Variants in MYO1F observed in about 807,000 individuals in gnomAD.
MYO1F encodes the protein unconventional myosin-If.
In MYO1F, 60 loss-of-function variants were observed where a neutral mutation model predicts 146.6. The observed-to-expected ratio is 0.41, with a 90% CI of 0.33 to 0.51. The LOEUF (loss-of-function observed/expected upper bound fraction) is 0.51. Ranked by LOEUF, MYO1F falls within the 20% of genes least tolerant of loss-of-function variation. MYO1F has a pLI of 0.25. For missense variants in MYO1F, 1,274 were observed against 1,534.3 expected (o/e 0.83, Z 2.83); for synonymous variants, 602 against 602.1 (o/e 1.00, Z 0.00).
At chr19:8,542,488 G>A (rs1423061847) in intron 14 of MYO1F, among the ~76,000 whole-genome samples, 2 of 151,760 alleles carry the variant, frequency 1.3e-5, no homozygotes, top group African/African-American at 4.8e-5. Flanking sequence ...TTCAGCCAGG[G>A]TTGGGGGCTG....
chr19:8,567,720 C>T (rs944911578), intron 1 of MYO1F, among the ~76,000 whole-genome samples: 1 of 152,218 alleles, frequency 6.6e-6, no homozygotes, highest in African/African-American at 2.4e-5. Flanking sequence ...TTCAAGGACA[C>T]ACAGCAGTGC....
intron 12 of MYO1F, among the ~76,000 whole-genome samples, chr19:8,546,150 C>T (rs986608668): frequency 2.7e-5 from 4 of 150,204 alleles, no homozygotes; most frequent in African/African-American, 9.8e-5. Flanking sequence ...TCGCAACCTC[C>T]GCCTCCCGAG....
rs1465554927 is a variant in MYO1F at position 8,555,812 on chromosome 19, G to A, written c.4-16C>T. Reference sequence around the variant, plus strand: ...CCTTGCTGCCCTGGGGGGTGAGAGGGGGGTCGGGGTGAGCCCTTGCACGGG... The same window carrying A: ...CCTTGCTGCCCTGGGGGGTGAGAGGAGGGTCGGGGTGAGCCCTTGCACGGG... On this transcript the variant is annotated splice_polypyrimidine_tract_variant and intron_variant, in intron 1 of 27. Transcript: ENST00000644032. The A allele has an allele frequency of 1.2e-6, 2 of 1,607,968 alleles. No individual in the cohort carries two copies. Among genetic ancestry groups the A allele is most frequent in the Admixed American group, 3.3e-5 (2 of 59,932 alleles).
Position 8,550,377 on chromosome 19 carries a change from G to A in MYO1F, c.905-21C>T, listed in dbSNP as rs761224553. The A allele has an allele frequency of 2.5e-6, 4 of 1,602,878 alleles. No homozygotes were observed. In the Admixed American group the frequency reaches 6.9e-5, roughly 28 times the overall value. On this transcript the variant is annotated intron_variant, in intron 9 of 27. Coordinates refer to ENST00000644032, the MANE Select transcript of MYO1F (RefSeq NM_012335.4). Reference sequence around the variant, plus strand: ...CAGGACTACCAGGGCAAAGGTCAGGGCAAAAATGGGACAGTTGGTTGGGCT... The same window carrying A: ...CAGGACTACCAGGGCAAAGGTCAGGACAAAAATGGGACAGTTGGTTGGGCT...
At chr19:8,547,983 T>TGCC in intron 12 of MYO1F, 53 bp downstream of exon 12, 27 of 1,371,030 alleles carry the variant, frequency 2.0e-5, no homozygotes, top group Non-Finnish European at 2.4e-5. Flanking sequence ...TCATGGTCCT[T>TGCC]CCACCCCACC....
At chr19:8,573,248 T>A (rs1186368052) in intron 1 of MYO1F, among the ~76,000 whole-genome samples, 1 of 152,014 alleles carries the variant, frequency 6.6e-6, no homozygotes, top group Non-Finnish European at 1.5e-5. Flanking sequence ...GAGGTGGGGC[T>A]TGCAGTGAGC....
intron 1 of MYO1F, among the ~76,000 whole-genome samples, chr19:8,570,940 T>G (rs2042096354): frequency 6.6e-6 from 1 of 152,122 alleles, no homozygotes; most frequent in African/African-American, 2.4e-5. Flanking sequence ...GGGGTGCAAA[T>G]CTCACAGGCT....
chr19:8,545,625 C>T, intron 13 of MYO1F, 25 bp downstream of exon 13: 2 of 1,599,728 alleles, frequency 1.3e-6, no homozygotes, highest in Non-Finnish European at 1.7e-6. Context: ...TGAGACGCCC[C>T]CGCCAAAGTT....
At chr19:8,553,041 C>T in intron 6 of MYO1F, 98 bp downstream of exon 6, 3 of 1,190,732 alleles carry the variant, frequency 2.5e-6, no homozygotes, top group Non-Finnish European at 3.8e-6. Flanking sequence ...TCAATGGACT[C>T]TTGTCTTGGC....
chr19:8,551,729 C>G lies in MYO1F; in HGVS notation c.771+11G>C, dbSNP rs1410702232. ...GCCTGGCCGGGGACTGGAGTAGAGG[C>G]CGGTGCTCACCAGAGTCTCACCAAA... On this transcript the variant is annotated intron_variant, in intron 8 of 27. Transcript: ENST00000644032. 6.2e-7 allele frequency: 1 copy of G among 1,614,116 alleles called. No individual in the cohort carries two copies. Among genetic ancestry groups the G allele is most frequent in the African/African-American group, 1.3e-5 (1 of 75,012 alleles).
intron 22 of MYO1F, 28 bp downstream of exon 22, chr19:8,527,310 T>C: frequency 6.2e-7 from 1 of 1,613,798 alleles, no homozygotes; most frequent in Non-Finnish European, 8.5e-7. Context: ...TGAGAGTGAC[T>C]GTGCGGCAGG....
At chr19:8,556,363 C>A (rs1973855233) in intron 1 of MYO1F, among the ~76,000 whole-genome samples, 1 of 149,764 alleles carries the variant, frequency 6.7e-6, no homozygotes, top group African/African-American at 2.4e-5. Context: ...TTTTTAATGC[C>A]AAGTGCAGTG....
At chr19:8,523,953 TA>T (rs1312848183) in intron 25 of MYO1F, among the ~76,000 whole-genome samples, 1 of 151,482 alleles carries the variant, frequency 6.6e-6, no homozygotes, top group African/African-American at 2.4e-5. Flanking sequence ...ACTCTGCCTC[TA>T]CTAAAAATAC....
intron 19 of MYO1F, among the ~76,000 whole-genome samples, chr19:8,533,608 C>T (rs1006406668): frequency 1.4e-5 from 2 of 145,180 alleles, no homozygotes; most frequent in African/African-American, 5.1e-5. Context: ...CCGCCTGCCT[C>T]GGCCTCCCAA....
In MYO1F at chr19:8,530,417, C is replaced by T. The variant is rs149529709; in HGVS notation, c.2158+42G>A. 1.1e-5 allele frequency: 18 copies of T among 1,613,758 alleles called. No individual in the cohort carries two copies. In the East Asian group the frequency reaches 3.6e-4, roughly 32 times the overall value. ...AGCTCCTGATACAGCTCCTCCAGGT[C>T]CTTGTGCCCCCACCCCGCGCCGTTT... On this transcript the variant is annotated intron_variant, in intron 20 of 27. Transcript: ENST00000644032. The surrounding 1 kb of genome is among the most constrained non-coding windows in gnomAD (Gnocchi z 5.8).
rs540599977 is a variant in MYO1F, at chr19:8,521,218, C to T, written c.*310G>A. 1.1e-5 allele frequency: 5 copies of T among 441,310 alleles called. No individual in the cohort carries two copies. Among genetic ancestry groups the T allele is most frequent in the Non-Finnish European group, 2.1e-5 (5 of 235,778 alleles). The allele number at this position is 441,310 out of a possible 1,614,324, so 27.3% of individuals were successfully genotyped here. ...TGTGCCTGGCACTTTGCCAACAGCA[C>T]AGGACTCAAGACCCATTTCTTAATC... On this transcript the variant is annotated 3_prime_UTR_variant, in exon 28 of 28. Coordinates refer to ENST00000644032, the MANE Select transcript of MYO1F (RefSeq NM_012335.4).
chr19:8,541,419 G>GTTTTTTTTT (rs1200496185), intron 15 of MYO1F, among the ~76,000 whole-genome samples: 39 of 133,918 alleles, frequency 2.9e-4, no homozygotes, highest in Non-Finnish European at 3.7e-4. Flanking sequence ...GTGTGTGTGT[G>GTTTTTTTTT]TGTGTGTTTT....
At chr19:8,537,157 G>A (rs1402086237) in intron 16 of MYO1F, 102 bp from the exon 17 acceptor site, 5 of 788,178 alleles carry the variant, frequency 6.3e-6, no homozygotes, top group African/African-American at 3.4e-5. Flanking sequence ...CAGAGACTGG[G>A]GGTGGGTGAG....
At position 8,544,411 on chromosome 19, in the gene MYO1F, G is replaced by A. The variant is rs1973245110; in HGVS notation, c.1410C>T (p.Ala470=). The change falls in exon 14 of 28, where the codon GCC becomes GCT. Residue 470 remains alanine (A), a synonymous_variant. Coordinates refer to ENST00000644032, the MANE Select transcript of MYO1F (RefSeq NM_012335.4). ...GTGTCTGGTCTGCTCCCCCGCCCGT[G>A]GCGTGCATGGTGGCGCACACGTCGT... The part of the protein sequence containing the change: ...VLDDVCATMH[A]TGGGADQTLL... The A allele has an allele frequency of 6.2e-7, 1 of 1,612,770 alleles. No individual in the cohort carries two copies. The highest frequency in any genetic ancestry group is 1.3e-5 in the African/African-American group (1 of 74,888).
Sources: allele counts gnomAD v4.1 joint callset (sites outside exome capture counted in the v4.1 genomes callset), GRCh38; gene constraint gnomAD v4.1.1; non-coding constraint Gnocchi (gnomAD v3.1); transcripts MANE v1.5; gene names NCBI Gene and HGNC (gene_info 2026-07-23, HGNC 2026-07-21).